The following SLC9C2 variants were observed in gnomAD, a reference collection of about 807,000 sequenced individuals.
SLC9C2 encodes the protein solute carrier family 9 member C2 (putative).
In SLC9C2, 75 loss-of-function variants were observed where a neutral mutation model predicts 140.2. The observed-to-expected ratio is 0.53, with a 90% confidence interval of 0.44 to 0.65. The LOEUF (loss-of-function observed/expected upper bound fraction) is 0.65. SLC9C2 is among the 30% of genes least tolerant of loss of function. The pLI is 0.00. For synonymous variants in SLC9C2, 375 were observed against 420.9 expected (o/e 0.89, Z 1.34); for missense variants, 1,074 against 1,331.8 (o/e 0.81, Z 3.01).
intron 18 of SLC9C2, among the ~76,000 whole-genome samples, chr1:173,528,386 T>TC (rs965696601): frequency 2.0e-4 from 31 of 152,140 alleles, no homozygotes; most frequent in African/African-American, 6.5e-4. Context: ...CATTCTTAAC[T>TC]CCCCCCACTG....
chr1:173,558,277 T>C (rs1426213922), intron 9 of SLC9C2, among the ~76,000 whole-genome samples: 1 of 152,214 alleles, frequency 6.6e-6, no homozygotes. Flanking sequence ...CTATAATGTA[T>C]ATAATTATTT....
At chr1:173,504,299 G>A (rs565092981) in intron 26 of SLC9C2, among the ~76,000 whole-genome samples, 51 of 152,224 alleles carry the variant, frequency 3.4e-4, no homozygotes, top group African/African-American at 1.2e-3. Context: ...TTGAATATCT[G>A]TCTCTCCTCC....
chr1:173,556,091 C>T (rs933120112), intron 10 of SLC9C2, among the ~76,000 whole-genome samples: 2 of 152,196 alleles, frequency 1.3e-5, no homozygotes, highest in African/African-American at 4.8e-5. Context: ...GTAGGTGAGT[C>T]AGTGCTCTTG....
At chr1:173,547,858 G>T in intron 12 of SLC9C2, 74 bp from the exon 13 acceptor site, 2 of 1,027,572 alleles carry the variant, frequency 1.9e-6, no homozygotes, top group Non-Finnish European at 1.5e-6. Context: ...TTAGGAACTG[G>T]CAAATACTAC....
intron 13 of SLC9C2, among the ~76,000 whole-genome samples, chr1:173,544,141 A>T (rs1571519350): frequency 6.6e-6 from 1 of 152,212 alleles, no homozygotes. Context: ...ATCTCCAAAG[A>T]ACTTAAACAA....
At chr1:173,519,846 C>A (rs1185199988) in intron 22 of SLC9C2, among the ~76,000 whole-genome samples, 1 of 151,932 alleles carries the variant, frequency 6.6e-6, no homozygotes, top group Non-Finnish European at 1.5e-5. Flanking sequence ...TCAGTTTTCT[C>A]ATGTAAAAAA....
intron 23 of SLC9C2, among the ~76,000 whole-genome samples, chr1:173,515,711 G>A (rs917444107): frequency 6.6e-6 from 1 of 152,160 alleles, no homozygotes; most frequent in South Asian, 2.1e-4. Context: ...TGCTGGACAG[G>A]CATTGCGATC....
At chr1:173,532,377 TA>T (rs1661642699) in intron 17 of SLC9C2, among the ~76,000 whole-genome samples, 1 of 152,142 alleles carries the variant, frequency 6.6e-6, no homozygotes, top group Non-Finnish European at 1.5e-5. Context: ...GCCCTGAAGT[TA>T]AAAGCTTATG....
chr1:173,570,045 G>A lies in SLC9C2; in HGVS notation c.1046+3137C>T, dbSNP rs547989020. Among the ~76,000 whole-genome samples the A allele has an allele frequency of 3.9e-5, 6 of 152,166 alleles. No individual in the cohort carries two copies. In the South Asian group the frequency reaches 1.2e-3, roughly 32 times the overall value. On this transcript the variant is annotated intron_variant, in intron 9 of 27. Coordinates refer to ENST00000367714, the MANE Select transcript of SLC9C2 (RefSeq NM_178527.4). ...TTTTAATGAATGCTGCCAGGCCTGG[G>A]ACTCACCCTTCAGGGCAGAGGTCTC...
chr1:173,537,518 T>G (rs1258933485), intron 13 of SLC9C2, among the ~76,000 whole-genome samples: 1 of 152,046 alleles, frequency 6.6e-6, no homozygotes, highest in Admixed American at 6.6e-5. Context: ...GCCGAGATCA[T>G]GCCATTGCAC....
intron 19 of SLC9C2, 38 bp from the exon 20 acceptor site, chr1:173,524,965 G>A: frequency 6.3e-7 from 1 of 1,599,890 alleles, no homozygotes. Flanking sequence ...AGTGGCCTAT[G>A]CAATAACCAC....
intron 11 of SLC9C2, among the ~76,000 whole-genome samples, 182 bp from the exon 12 acceptor site, chr1:173,548,734 T>G (rs1474395674): frequency 1.3e-5 from 2 of 152,264 alleles, no homozygotes; most frequent in African/African-American, 4.8e-5. Flanking sequence ...TGTTTCTTTT[T>G]GGCTGTACAG....
intron 7 of SLC9C2, among the ~76,000 whole-genome samples, chr1:173,579,419 C>A (rs1283474151): frequency 6.6e-6 from 1 of 152,118 alleles, no homozygotes; most frequent in African/African-American, 2.4e-5. Context: ...TTTTTCTCTT[C>A]CCAGAGAGCC....
At chr1:173,539,821 TC>T (rs1182349967) in intron 13 of SLC9C2, among the ~76,000 whole-genome samples, 1 of 152,090 alleles carries the variant, frequency 6.6e-6, no homozygotes, top group Non-Finnish European at 1.5e-5. Flanking sequence ...GGAAAGCTAT[TC>T]AAAAATAGCA....
chr1:173,598,797 T>G (rs1327896422), intron 3 of SLC9C2, among the ~76,000 whole-genome samples: 1 of 152,218 alleles, frequency 6.6e-6, no homozygotes, highest in Non-Finnish European at 1.5e-5. Flanking sequence ...GCCTGGCACT[T>G]AGTAAACACT....
intron 5 of SLC9C2, among the ~76,000 whole-genome samples, chr1:173,583,929 C>T (rs1050919370): frequency 6.6e-6 from 1 of 152,118 alleles, no homozygotes; most frequent in Non-Finnish European, 1.5e-5. Context: ...TTGAATAAAC[C>T]TGAATCAGAT....
At chr1:173,501,344 G>T (rs925557184) in intron 27 of SLC9C2, among the ~76,000 whole-genome samples, 1 of 152,082 alleles carries the variant, frequency 6.6e-6, no homozygotes, top group Non-Finnish European at 1.5e-5. Flanking sequence ...TCAAAGGTGG[G>T]TTTAAGAAGA....
intron 23 of SLC9C2, among the ~76,000 whole-genome samples, chr1:173,515,209 G>A (rs1660333354): frequency 5.3e-5 from 8 of 152,090 alleles, no homozygotes; most frequent in Admixed American, 5.2e-4. Context: ...GCCTTGCTAG[G>A]TCAGGGAAGT....
intron 21 of SLC9C2, among the ~76,000 whole-genome samples, chr1:173,521,916 A>T (rs1558026520): frequency 6.7e-6 from 1 of 149,242 alleles, no homozygotes; most frequent in Non-Finnish European, 1.5e-5. Context: ...AAATGCAGAA[A>T]AGGCCGGGCG....
Sources: allele counts gnomAD v4.1 joint callset (sites outside exome capture counted in the v4.1 genomes callset), GRCh38; gene constraint gnomAD v4.1.1; transcripts MANE v1.5; gene names NCBI Gene and HGNC (gene_info 2026-07-23, HGNC 2026-07-21).